TMTC4: variants seen among roughly 807,000 people sequenced by gnomAD.
TMTC4 encodes transmembrane O-mannosyltransferase targeting cadherins 4, also known as protein O-mannosyl-transferase TMTC4.
In TMTC4, 65 loss-of-function variants were observed where a neutral mutation model predicts 86.0. The ratio of observed to expected loss-of-function variants is 0.76; its 90% confidence interval spans 0.62 to 0.93. The LOEUF (loss-of-function observed/expected upper bound fraction) is 0.93. TMTC4 is among the 40% of genes least tolerant of loss of function. The pLI is 0.00. For synonymous variants in TMTC4, 379 were observed against 382.5 expected (o/e 0.99, Z 0.11); for missense variants, 866 against 948.1 (o/e 0.91, Z 1.14).
chr13:100,656,818 A>G (rs1368347338), intron 5 of TMTC4, among the ~76,000 whole-genome samples: 1 of 152,150 alleles, frequency 6.6e-6, no homozygotes, highest in Non-Finnish European at 1.5e-5. Flanking sequence ...TGGTGGGATT[A>G]CAGGTGTGAG....
chr13:100,640,259 A>G (rs1022190781), intron 7 of TMTC4, among the ~76,000 whole-genome samples: 1 of 152,072 alleles, frequency 6.6e-6, no homozygotes, highest in South Asian at 2.1e-4. Context: ...GTAGGTGGAG[A>G]CCAGGGACGC....
At position 100,614,301 on chromosome 13, in the gene TMTC4, T is replaced by A. The variant is rs1184800090; in HGVS notation, c.1951+15A>T. ...GAGCCATTTCCTGTGATTTGTTCCA[T>A]CCAGCTTTCTGTACCTGTATTGTCG... On this transcript the variant is annotated intron_variant, in intron 16 of 18. Transcript: ENST00000342624. The A allele has an allele frequency of 1.3e-6, 2 of 1,598,100 alleles. No homozygotes were observed. Among genetic ancestry groups the A allele is most frequent in the Non-Finnish European group, 1.7e-6 (2 of 1,166,536 alleles).
intron 9 of TMTC4, 113 bp from the exon 10 acceptor site, chr13:100,636,847 T>C (rs941646695): frequency 3.7e-6 from 4 of 1,081,884 alleles, no homozygotes; most frequent in Non-Finnish European, 4.1e-6. Flanking sequence ...ATGAAAGCAG[T>C]TGTATCAAAT....
rs756813672 is a variant in TMTC4 at position 100,605,211 on chromosome 13, G to A, written c.2135-69C>T. ...AACGTGCCGTATTCCTACCCTCTTG[G>A]ACAAAGAAATATTACAGATCCTATG... On this transcript the variant is annotated intron_variant, in intron 18 of 18. Transcript: ENST00000342624. The surrounding 1 kb of genome is among the most constrained non-coding windows in gnomAD (Gnocchi z 4.3). 2 of 1,514,162 alleles carry A rather than the reference G, an allele frequency of 1.3e-6. No individual in the cohort carries two copies. The highest frequency in any genetic ancestry group is 1.8e-6 in the Non-Finnish European group (2 of 1,125,964). The allele number at this position is 1,514,162 out of a possible 1,614,324, so 93.8% of individuals were successfully genotyped here.
chr13:100,648,851 T>A (rs1437086531), intron 6 of TMTC4, among the ~76,000 whole-genome samples: 2 of 152,174 alleles, frequency 1.3e-5, no homozygotes, highest in South Asian at 2.1e-4. Context: ...GGCTAATTTT[T>A]AAAAATTTTT....
chr13:100,662,918 A>G, intron 5 of TMTC4, 46 bp downstream of exon 5: 1 of 1,602,028 alleles, frequency 6.2e-7, no homozygotes, highest in Non-Finnish European at 8.5e-7. Context: ...GGGGTGTCAT[A>G]TCGCTTCTCA....
chr13:100,614,607 A>T (rs1878180300), intron 15 of TMTC4, among the ~76,000 whole-genome samples, 177 bp from the exon 16 acceptor site: 1 of 152,154 alleles, frequency 6.6e-6, no homozygotes. Flanking sequence ...TAATCCTCAA[A>T]ACAATACCAA....
intron 6 of TMTC4, among the ~76,000 whole-genome samples, chr13:100,643,127 T>TA (rs1312669748): frequency 6.6e-6 from 1 of 152,000 alleles, no homozygotes; most frequent in Non-Finnish European, 1.5e-5. Context: ...ACTAAACTAC[T>TA]AGGGAGGAGA....
intron 10 of TMTC4, among the ~76,000 whole-genome samples, chr13:100,635,947 C>T (rs2138871913): frequency 6.6e-6 from 1 of 152,310 alleles, no homozygotes; most frequent in East Asian, 1.9e-4. Flanking sequence ...CACAGGTAAA[C>T]TTAAAACTTA....
At chr13:100,630,049 GTGTGTGTGTGTGTGTGTA>G (rs1881136383) in intron 12 of TMTC4, among the ~76,000 whole-genome samples, 2 of 149,124 alleles carry the variant, frequency 1.3e-5, no homozygotes, top group Non-Finnish European at 3.0e-5. Flanking sequence ...GTGTGTGTGT[GTGTGTGTGTGTGTGTGTA>G]TGTGTGTGTG....
chr13:100,675,000 G>A, upstream of TMTC4: 2 of 985,576 alleles, frequency 2.0e-6, no homozygotes, highest in Non-Finnish European at 2.4e-6. Flanking sequence ...GCTCATTGGC[G>A]GACGCGCCGG....
Position 100,656,542 on chromosome 13 carries a change from C to CTTTTTTTTTTTTTTTT in TMTC4, c.553-90_553-75dup, listed in dbSNP as rs35563246. 1,571 of 385,594 alleles carry CTTTTTTTTTTTTTTTT rather than the reference C, an allele frequency of 4.1e-3. 122 individuals are homozygous for CTTTTTTTTTTTTTTTT. The highest frequency in any genetic ancestry group is 6.4e-3 in the African/African-American group (258 of 40,210). The allele number at this position is 385,594 out of a possible 1,614,324, so 23.9% of individuals were successfully genotyped here. A position where few individuals can be genotyped will look rare whatever the true frequency, so the allele number is the denominator to read the frequency against. ...GAAATCCTAAACTTAGGAGACATAA[C>CTTTTTTTTTTTTTTTT]TTTTTTTTTTTTTTTTTTGCGACAG... On this transcript the variant is annotated intron_variant, in intron 5 of 18. Coordinates refer to ENST00000342624, the MANE Select transcript of TMTC4 (RefSeq NM_032813.5).
At chr13:100,655,798 AAG>A (rs1885037248) in intron 6 of TMTC4, among the ~76,000 whole-genome samples, 1 of 149,170 alleles carries the variant, frequency 6.7e-6, no homozygotes, top group Non-Finnish European at 1.5e-5. Context: ...ATAATAATAA[AAG>A]GGGGTGGGAG....
chr13:100,655,125 G>A (rs953959050), intron 6 of TMTC4, among the ~76,000 whole-genome samples: 4 of 149,204 alleles, frequency 2.7e-5, no homozygotes, highest in Non-Finnish European at 5.9e-5. Context: ...GGGTTCAAAC[G>A]ATTCTCCTGC....
At chr13:100,617,743 C>T (rs112326157) in intron 15 of TMTC4, among the ~76,000 whole-genome samples, 3,801 of 152,244 alleles carry the variant, frequency 0.025, 128 homozygotes, top group African/African-American at 0.072. Flanking sequence ...TGTGGCCTTA[C>T]AGTATAGTTT....
chr13:100,651,128 T>C (rs1227682033), intron 6 of TMTC4, among the ~76,000 whole-genome samples: 2 of 152,198 alleles, frequency 1.3e-5, no homozygotes, highest in African/African-American at 4.8e-5. Flanking sequence ...AAGACTCTCT[T>C]CTCCCCACTA....
intron 6 of TMTC4, among the ~76,000 whole-genome samples, chr13:100,655,151 A>G (rs1275741338): frequency 6.6e-6 from 1 of 151,258 alleles, no homozygotes; most frequent in Non-Finnish European, 1.5e-5. Context: ...CCTCCCGAGT[A>G]GCTGGGACTA....
At chr13:100,638,792 G>A (rs1472124767) in intron 7 of TMTC4, 2 of 152,286 alleles carry the variant, frequency 1.3e-5, no homozygotes, top group Non-Finnish European at 2.9e-5. Flanking sequence ...ACATTGATGA[G>A]AGCAGGCCTT....
rs1887202141 is a variant in TMTC4, at chr13:100,672,216, T to C, written c.-207-1647A>G. On this transcript the variant is annotated intron_variant, in intron 1 of 18. Transcript: ENST00000342624. Reference sequence around the variant, plus strand: ...TGTTGCCAGTGTTTATTCCTGCAGATGGGCTGAGCACTAGGGCCAGCAGTA... The same window carrying C: ...TGTTGCCAGTGTTTATTCCTGCAGACGGGCTGAGCACTAGGGCCAGCAGTA... 2.0e-5 allele frequency among the ~76,000 whole-genome samples: 3 copies of C among 152,366 alleles called. No individual in the cohort carries two copies. In the South Asian group the frequency reaches 6.2e-4, roughly 32 times the overall value.
Sources: gnomAD v4.1 joint callset for allele counts (sites outside exome capture counted in the v4.1 genomes callset) on GRCh38, gnomAD v4.1.1 for gene constraint, Gnocchi (gnomAD v3.1) non-coding constraint, MANE v1.5 for transcripts, NCBI Gene and HGNC (gene_info 2026-07-23, HGNC 2026-07-21) for gene names.